SNPH: variants seen among roughly 807,000 people sequenced by gnomAD.
SNPH encodes syntaphilin.
In SNPH, 10 loss-of-function variants were observed where a neutral mutation model predicts 36.8. That is an observed-to-expected ratio of 0.27 (90% confidence interval 0.17 to 0.46). The LOEUF is 0.46. Among genes scored for constraint, SNPH ranks in the 20% least tolerant of loss-of-function variants. The pLI is 1.00. For synonymous variants in SNPH, 281 were observed against 312.2 expected (o/e 0.90, Z 1.05); for missense variants, 622 against 744.0 (o/e 0.84, Z 1.91).
At chr20:1,296,492 T>C in intron 4 of SNPH, 71 bp downstream of exon 4, 2 of 1,318,572 alleles carry the variant, frequency 1.5e-6, no homozygotes. Context: ...TCTCTCTACC[T>C]GCCACCAACT....
At chr20:1,300,245 A>C (rs1474814622) in intron 5 of SNPH, among the ~76,000 whole-genome samples, 1 of 152,214 alleles carries the variant, frequency 6.6e-6, no homozygotes, top group Non-Finnish European at 1.5e-5. Flanking sequence ...GGCTGCTATA[A>C]GGATTGATGG....
In SNPH at chr20:1,294,306, G is replaced by A. The variant is rs2088400397; in HGVS notation, c.-492-645G>A. Among the ~76,000 whole-genome samples, 2 of 152,168 alleles carry A rather than the reference G, an allele frequency of 1.3e-5. No individual in the cohort carries two copies. Among genetic ancestry groups the A allele is most frequent in the Admixed American group, 6.5e-5 (1 of 15,284 alleles). Reference sequence around the variant, plus strand: ...ATTCAGGCAATGGCAGGTGATCCTTGGAGCCCTTGCCCATGTGCCCCTCTG... The same window carrying A: ...ATTCAGGCAATGGCAGGTGATCCTTAGAGCCCTTGCCCATGTGCCCCTCTG... On this transcript the variant is annotated intron_variant, in intron 2 of 6. Coordinates refer to ENST00000381867, the MANE Select transcript of SNPH (RefSeq NM_001318234.2). This position sits in a 1 kb window ranked among gnomAD's most constrained non-coding sequence, Gnocchi z 4.4.
intron 2 of SNPH, among the ~76,000 whole-genome samples, chr20:1,292,463 C>T (rs991141974): frequency 6.6e-6 from 1 of 152,230 alleles, no homozygotes; most frequent in African/African-American, 2.4e-5. Context: ...GAATTTTGAA[C>T]AGGGTCCAGG....
chr20:1,300,338 C>T (rs1454940190), intron 5 of SNPH, among the ~76,000 whole-genome samples: 1 of 152,190 alleles, frequency 6.6e-6, no homozygotes, highest in Non-Finnish European at 1.5e-5. Flanking sequence ...ACTAGAGGAG[C>T]CCTGAAGCCC....
intron 2 of SNPH, among the ~76,000 whole-genome samples, chr20:1,292,865 G>A (rs1035159387): frequency 2.0e-5 from 3 of 152,190 alleles, no homozygotes; most frequent in Admixed American, 1.3e-4. Context: ...AAGACCCAGT[G>A]CAAATTTCTT....
chr20:1,290,702 A>G (rs2088350663), intron 2 of SNPH, among the ~76,000 whole-genome samples: 1 of 152,224 alleles, frequency 6.6e-6, no homozygotes, highest in African/African-American at 2.4e-5. Flanking sequence ...TCTTTGGGGT[A>G]TATACCTAGC....
chr20:1,305,914 C>G lies in SNPH; in HGVS notation c.1477C>G (p.Arg493Gly). 6.3e-7 allele frequency: 1 copy of G among 1,595,254 alleles called. No homozygotes were observed. Among genetic ancestry groups the G allele is most frequent in the Non-Finnish European group, 8.5e-7 (1 of 1,171,296 alleles). Residue 493 changes from arginine (R) to glycine (G), a missense_variant, in exon 7 of 7, where the codon CGC becomes GGC. Coordinates refer to ENST00000381867, the MANE Select transcript of SNPH (RefSeq NM_001318234.2). ...GGCCTGGCTTTGCCGCTCCCAGCGG[C>G]GCCAGGGCCAGCCCATCTACAACAT... ...TVAWLCRSQR[R>G]QGQPIYNISS...
chr20:1,303,475 C>T (rs1205809358), intron 6 of SNPH, among the ~76,000 whole-genome samples: 2 of 152,164 alleles, frequency 1.3e-5, no homozygotes, highest in African/African-American at 4.8e-5. Context: ...GGTGAGAGGC[C>T]AAAAGGGTTA....
chr20:1,287,624 G>A (rs2088299267), intron 2 of SNPH, among the ~76,000 whole-genome samples: 1 of 152,174 alleles, frequency 6.6e-6, no homozygotes, highest in African/African-American at 2.4e-5. Context: ...TTCTGAGAGT[G>A]TGTTAGTCCC....
chr20:1,299,939 G>A (rs573156180), intron 5 of SNPH, among the ~76,000 whole-genome samples: 6 of 152,196 alleles, frequency 3.9e-5, no homozygotes, highest in South Asian at 2.1e-4. Context: ...GTGCCTGCGC[G>A]TGTCTGCCCT....
intron 2 of SNPH, among the ~76,000 whole-genome samples, chr20:1,288,038 C>A (rs1293264646): frequency 3.3e-5 from 5 of 152,202 alleles, no homozygotes; most frequent in Admixed American, 3.3e-4. Flanking sequence ...AACCAGTGTT[C>A]CCCCTACTAC....
rs2088540629 is a variant in SNPH at position 1,304,374 on chromosome 20, A to G, written c.441-504A>G. ...TTCTCTCCCCTGGGGTCTCTGGCCA[A>G]ATATTCCTCCACTGAAACTTTCTGC... On this transcript the variant is annotated intron_variant, in intron 6 of 6. Transcript: ENST00000381867. This position sits in a 1 kb window ranked among gnomAD's most constrained non-coding sequence, Gnocchi z 4.3. Among the ~76,000 whole-genome samples the G allele has an allele frequency of 6.6e-6, 1 of 152,150 alleles. No homozygotes were observed. Among genetic ancestry groups the G allele is most frequent in the African/African-American group, 2.4e-5 (1 of 41,428 alleles).
intron 2 of SNPH, among the ~76,000 whole-genome samples, chr20:1,277,652 CTGTG>C (rs1338160612): frequency 2.3e-5 from 2 of 88,604 alleles, no homozygotes; most frequent in Non-Finnish European, 4.6e-5. Flanking sequence ...GCCTGTGTGT[CTGTG>C]TATCTGTGTG....
intron 2 of SNPH, among the ~76,000 whole-genome samples, chr20:1,271,742 G>A (rs2088075800): frequency 6.6e-6 from 1 of 152,186 alleles, no homozygotes; most frequent in South Asian, 2.1e-4. Context: ...GGAGGGAGAG[G>A]GGTTGGGAAA....
chr20:1,286,834 G>T (rs537704478), intron 2 of SNPH, among the ~76,000 whole-genome samples: 1 of 152,140 alleles, frequency 6.6e-6, no homozygotes, highest in African/African-American at 2.4e-5. Context: ...CTCAGGCTGG[G>T]TGGGGGCTTT....
intron 2 of SNPH, among the ~76,000 whole-genome samples, chr20:1,287,807 G>T (rs1243701894): frequency 6.6e-6 from 1 of 152,212 alleles, no homozygotes; most frequent in African/African-American, 2.4e-5. Context: ...GAAGGGGGAA[G>T]GGAGAGAAGC....
At position 1,305,327 on chromosome 20, in the gene SNPH, G is replaced by A; in HGVS notation, c.890G>A (p.Ser297Asn). The change falls in exon 7 of 7, where the codon AGC (serine) becomes AAC (asparagine). Residue 297 changes from serine to asparagine, a missense_variant. This residue lies in a region of SNPH where 379 missense variants were observed against 427.9 expected (regional missense o/e 0.89). Transcript: ENST00000381867. ...TTTGCAGCAGCCGATGACACACTGA[G>A]CCGGACGGACGCGCTGGAAGCCAGC... Reference protein sequence around the residue: ...SGFAAADDTLSRTDALEASSL... With the variant: ...SGFAAADDTLNRTDALEASSL... 6.2e-7 allele frequency: 1 copy of A among 1,610,878 alleles called. No individual in the cohort carries two copies. Among genetic ancestry groups the A allele is most frequent in the Non-Finnish European group, 8.5e-7 (1 of 1,179,640 alleles).
intron 5 of SNPH, 26 bp from the exon 6 acceptor site, chr20:1,300,536 C>T (rs779793502): frequency 1.2e-6 from 2 of 1,613,624 alleles, no homozygotes; most frequent in Non-Finnish European, 1.7e-6. Context: ...CTTCCTCCCT[C>T]CCTGATGATG....
intron 2 of SNPH, among the ~76,000 whole-genome samples, chr20:1,279,615 C>CTTT (rs1259483361): frequency 1.3e-4 from 15 of 111,668 alleles, no homozygotes; most frequent in African/African-American, 4.3e-4. Context: ...GAGACTCCGG[C>CTTT]TTCTTTTTTT....
Sources: gnomAD v4.1 joint callset for allele counts (sites outside exome capture counted in the v4.1 genomes callset) on GRCh38, gnomAD v4.1.1 for gene constraint, gnomAD v4.1.1 regional missense constraint, Gnocchi (gnomAD v3.1) non-coding constraint, MANE v1.5 for transcripts, NCBI Gene and HGNC (gene_info 2026-07-23, HGNC 2026-07-21) for gene names.